Variants in ST6GALNAC5 observed in about 807,000 individuals in gnomAD.
The protein encoded by ST6GALNAC5 is ST6 N-acetylgalactosaminide alpha-2,6-sialyltransferase 5.
Under a neutral mutation model 33.6 loss-of-function variants are expected in ST6GALNAC5, and 27 were observed. The ratio of observed to expected loss-of-function variants is 0.80; its 90% CI spans 0.59 to 1.11. The LOEUF is 1.11. ST6GALNAC5 is among the 50% of genes least tolerant of loss of function. The pLI is 0.00. For synonymous variants in ST6GALNAC5, 194 were observed against 171.2 expected (o/e 1.13, Z -1.04); for missense variants, 428 against 454.0 (o/e 0.94, Z 0.52).
Position 77,044,928 on chromosome 1 carries a change from C to A in ST6GALNAC5, c.671+315C>A, listed in dbSNP as rs140881620. On this transcript the variant is annotated intron_variant, in intron 3 of 4. Coordinates refer to ENST00000477717, the MANE Select transcript of ST6GALNAC5 (RefSeq NM_030965.3). ...GCTTTATTGCATTTCATTTTACTTG[C>A]ATAAACCCTCACCAAAAAAAAAGTA... Among the ~76,000 whole-genome samples, 373 of 152,222 alleles carry A rather than the reference C, an allele frequency of 2.5e-3. 2 individuals are homozygous for A. Among genetic ancestry groups the A allele is most frequent in the Non-Finnish European group, 4.4e-3 (302 of 68,010 alleles).
chr1:77,052,647 G>C (rs1224410853), intron 4 of ST6GALNAC5, among the ~76,000 whole-genome samples: 1 of 151,838 alleles, frequency 6.6e-6, no homozygotes, highest in East Asian at 1.9e-4. Flanking sequence ...TGAGCAGGGG[G>C]CTGGTTCACA....
At chr1:76,975,556 G>A (rs1311633718) in intron 2 of ST6GALNAC5, among the ~76,000 whole-genome samples, 9 of 152,104 alleles carry the variant, frequency 5.9e-5, no homozygotes, top group Admixed American at 3.9e-4. Flanking sequence ...ATATGTAAGT[G>A]GGATTAATAT....
chr1:77,039,775 G>A (rs117783072), intron 2 of ST6GALNAC5, among the ~76,000 whole-genome samples: 3 of 152,240 alleles, frequency 2.0e-5, no homozygotes, highest in South Asian at 2.1e-4. Flanking sequence ...CCAAAGAATC[G>A]GGGAGGCTGA....
chr1:76,914,072 G>A (rs186451085), intron 2 of ST6GALNAC5, among the ~76,000 whole-genome samples: 5,539 of 152,204 alleles, frequency 0.036, 351 homozygotes, highest in African/African-American at 0.13. Flanking sequence ...CAAATCATGA[G>A]TGAACTCCCA....
In ST6GALNAC5 at chr1:76,867,540, C is replaced by T. The variant is rs954246543; in HGVS notation, c.-136C>T. On this transcript the variant is annotated 5_prime_UTR_variant, in exon 1 of 5. Transcript: ENST00000477717. The stretch of plus-strand genomic sequence containing the variant: ...CGCTTCCCGGGTCCCGCGGCTCCCG[C>T]GCGCGATCTGCCGCGGCCGGCTGCT... The T allele has an allele frequency of 3.5e-6, 5 of 1,411,098 alleles. No individual in the cohort carries two copies. Among genetic ancestry groups the T allele is most frequent in the Non-Finnish European group, 5.0e-6 (5 of 998,734 alleles). The allele number at this position is 1,411,098 out of a possible 1,614,324, so 87.4% of individuals were successfully genotyped here.
chr1:76,982,778 C>G (rs534281070), intron 2 of ST6GALNAC5, among the ~76,000 whole-genome samples: 1 of 152,134 alleles, frequency 6.6e-6, no homozygotes, highest in East Asian at 2.0e-4. Flanking sequence ...TCGGGTTACC[C>G]ACAAAGGGAA....
At chr1:76,897,678 G>A (rs887507453) in intron 2 of ST6GALNAC5, among the ~76,000 whole-genome samples, 9 of 152,176 alleles carry the variant, frequency 5.9e-5, no homozygotes, top group African/African-American at 1.2e-4. Context: ...AAGGGCGGCA[G>A]TAAGATGTAG....
In ST6GALNAC5 at chr1:77,040,956, A is replaced by G. The variant is rs190681157; in HGVS notation, c.262-3248A>G. 2.4e-4 allele frequency among the ~76,000 whole-genome samples: 36 copies of G among 152,344 alleles called. No homozygotes were observed. In the East Asian group the frequency reaches 6.7e-3, roughly 29 times the overall value. Reference sequence around the variant, plus strand: ...TGTCTGGCCACAAGTATTTAGTGTCAAAGTCAGTCCTGCCATGCTCCACCA... The same window carrying G: ...TGTCTGGCCACAAGTATTTAGTGTCGAAGTCAGTCCTGCCATGCTCCACCA... On this transcript the variant is annotated intron_variant, in intron 2 of 4. Coordinates refer to ENST00000477717, the MANE Select transcript of ST6GALNAC5 (RefSeq NM_030965.3).
intron 2 of ST6GALNAC5, among the ~76,000 whole-genome samples, chr1:77,027,066 A>G (rs1164774221): frequency 6.6e-6 from 1 of 152,174 alleles, no homozygotes; most frequent in African/African-American, 2.4e-5. Context: ...CACTCCAAAG[A>G]CAGAAAGCAA....
At chr1:76,930,985 C>T (rs1420729388) in intron 2 of ST6GALNAC5, among the ~76,000 whole-genome samples, 1 of 152,228 alleles carries the variant, frequency 6.6e-6, no homozygotes, top group African/African-American at 2.4e-5. Flanking sequence ...CTTGCATAAC[C>T]AGTACAATAT....
chr1:76,960,809 C>G (rs556336151), intron 2 of ST6GALNAC5, among the ~76,000 whole-genome samples: 1 of 152,158 alleles, frequency 6.6e-6, no homozygotes, highest in African/African-American at 2.4e-5. Context: ...TTAAGGTTAC[C>G]TCTCTTGTTT....
At chr1:76,901,556 A>G (rs1040908407) in intron 2 of ST6GALNAC5, among the ~76,000 whole-genome samples, 3 of 152,234 alleles carry the variant, frequency 2.0e-5, no homozygotes, top group Admixed American at 2.0e-4. Context: ...ATTATGGTAC[A>G]TTCAAAAACT....
At chr1:76,977,177 TTTTA>T (rs1186250879) in intron 2 of ST6GALNAC5, among the ~76,000 whole-genome samples, 1 of 152,202 alleles carries the variant, frequency 6.6e-6, no homozygotes, top group Non-Finnish European at 1.5e-5. Flanking sequence ...CTAATAAGTT[TTTTA>T]TTTATAGTTG....
chr1:76,958,755 C>A (rs1442339915), intron 2 of ST6GALNAC5, among the ~76,000 whole-genome samples: 3 of 151,970 alleles, frequency 2.0e-5, no homozygotes, highest in Admixed American at 2.0e-4. Context: ...TGGCCTCCTT[C>A]CTCATTGGTC....
chr1:76,913,289 C>T (rs1201667574), intron 2 of ST6GALNAC5, among the ~76,000 whole-genome samples: 1 of 151,628 alleles, frequency 6.6e-6, no homozygotes, highest in Non-Finnish European at 1.5e-5. Flanking sequence ...AAGAGATCTG[C>T]TGTTAGTCTG....
intron 2 of ST6GALNAC5, among the ~76,000 whole-genome samples, chr1:76,994,747 G>A (rs1251059462): frequency 6.6e-6 from 1 of 152,136 alleles, no homozygotes; most frequent in Non-Finnish European, 1.5e-5. Context: ...AAAAACACAG[G>A]ACAATAACCA....
intron 2 of ST6GALNAC5, among the ~76,000 whole-genome samples, chr1:77,034,349 T>G (rs1306293265): frequency 6.6e-6 from 1 of 152,058 alleles, no homozygotes; most frequent in African/African-American, 2.4e-5. Context: ...TTCTTATAAC[T>G]TCACCGGTGA....
intron 4 of ST6GALNAC5, among the ~76,000 whole-genome samples, chr1:77,059,289 C>T (rs75230566): frequency 1.9e-4 from 29 of 152,264 alleles, no homozygotes; most frequent in African/African-American, 5.5e-4. Flanking sequence ...CCTCCAAGAA[C>T]GAATCCAGGT....
chr1:76,960,216 A>G (rs1474923502), intron 2 of ST6GALNAC5, among the ~76,000 whole-genome samples: 2 of 152,144 alleles, frequency 1.3e-5, no homozygotes, highest in Non-Finnish European at 2.9e-5. Context: ...ACAGAGTACA[A>G]AAGAGAGAAA....
Sources: gnomAD v4.1 joint callset for allele counts (sites outside exome capture counted in the v4.1 genomes callset) on GRCh38, gnomAD v4.1.1 for gene constraint, MANE v1.5 for transcripts, NCBI Gene and HGNC (gene_info 2026-07-23, HGNC 2026-07-21) for gene names.